The following EXD1 variants were observed in gnomAD, a reference collection of about 807,000 sequenced individuals.
EXD1 encodes the protein piRNA biogenesis protein EXD1.
A neutral mutation model predicts 49.1 loss-of-function variants in EXD1; 63 were observed. The observed-to-expected ratio is 1.28, with a 90% confidence interval of 1.05 to 1.58. The LOEUF (loss-of-function observed/expected upper bound fraction) is 1.58. Ranked by LOEUF, EXD1 falls within the 40% of genes most tolerant of loss-of-function variation. The pLI, the probability that EXD1 is intolerant of heterozygous loss-of-function variation, is 0.00. For synonymous variants in EXD1, 234 were observed against 239.2 expected (o/e 0.98, Z 0.20); for missense variants, 748 against 666.0 (o/e 1.12, Z -1.36).
Position 41,190,077 on chromosome 15 carries a change from T to A in EXD1, c.916A>T (p.Ile306Phe). 1 of 1,614,116 alleles carries A rather than the reference T, an allele frequency of 6.2e-7. No individual in the cohort carries two copies. Among genetic ancestry groups the A allele is most frequent in the South Asian group, 1.1e-5 (1 of 91,078 alleles). Residue 306 changes from isoleucine (I) to phenylalanine (F), a missense_variant, in exon 11 of 12, where the codon ATT (isoleucine) becomes TTT (phenylalanine). Physicochemically the swap from Ile to Phe is conservative, Grantham distance 21. Coordinates refer to ENST00000458580, the MANE Select transcript of EXD1 (RefSeq NM_001286441.2). Reference protein sequence around the residue: ...IRPVSPSLLKILALEATYLLP... With the variant: ...IRPVSPSLLKFLALEATYLLP... ...AGGTAGGTAGCTTCCAGGGCCAAAA[T>A]TTTCAGTAAAGAGGGTGAAACAGGT...
At chr15:41,186,592 C>T (rs1477415705) in intron 11 of EXD1, among the ~76,000 whole-genome samples, 1 of 150,978 alleles carries the variant, frequency 6.6e-6, no homozygotes, top group Non-Finnish European at 1.5e-5. Flanking sequence ...ATTTACATAG[C>T]ATTTACGTTG....
chr15:41,225,084 T>C (rs1369750068), intron 2 of EXD1, among the ~76,000 whole-genome samples: 3 of 152,218 alleles, frequency 2.0e-5, no homozygotes, highest in African/African-American at 7.2e-5. Context: ...ACCATGAGGA[T>C]AACAGATGAT....
chr15:41,222,797 G>A (rs372042186), intron 2 of EXD1, among the ~76,000 whole-genome samples: 7 of 151,572 alleles, frequency 4.6e-5, no homozygotes, highest in East Asian at 1.9e-4. Context: ...TTAGCTGGGT[G>A]TGGTGGCACA....
At chr15:41,223,046 G>A (rs2047113738) in intron 2 of EXD1, among the ~76,000 whole-genome samples, 1 of 151,096 alleles carries the variant, frequency 6.6e-6, no homozygotes, top group Admixed American at 6.6e-5. Flanking sequence ...GAACTCCTGG[G>A]CTTAAGTGAT....
At chr15:41,185,153 G>C (rs896109065) in intron 11 of EXD1, among the ~76,000 whole-genome samples, 3 of 152,144 alleles carry the variant, frequency 2.0e-5, no homozygotes, top group African/African-American at 7.2e-5. Flanking sequence ...TACAGGAAAA[G>C]TTAGTCTCCC....
chr15:41,184,615 A>G (rs2046378136), intron 11 of EXD1, 22 bp from the exon 12 acceptor site: 1 of 1,545,074 alleles, frequency 6.5e-7, no homozygotes, highest in African/African-American at 1.4e-5. Context: ...AAGCGAACAC[A>G]AGTTTATTAT....
intron 10 of EXD1, 84 bp from the exon 11 acceptor site, chr15:41,190,212 T>C (rs1249775187): frequency 7.0e-7 from 1 of 1,419,448 alleles, no homozygotes; most frequent in South Asian, 1.2e-5. Flanking sequence ...CAGTGGCTCA[T>C]GCCTGTAATC....
At chr15:41,202,364 A>G (rs990193143) in intron 7 of EXD1, among the ~76,000 whole-genome samples, 3 of 151,414 alleles carry the variant, frequency 2.0e-5, no homozygotes, top group Non-Finnish European at 4.4e-5. Context: ...TTTAGTAGAA[A>G]CAGGGTTTTG....
intron 11 of EXD1, among the ~76,000 whole-genome samples, chr15:41,187,638 G>C (rs2046434934): frequency 6.6e-6 from 1 of 152,066 alleles, no homozygotes; most frequent in Non-Finnish European, 1.5e-5. Flanking sequence ...TGAAATGTAT[G>C]ATTTTGTCAC....
intron 7 of EXD1, 148 bp downstream of exon 7, chr15:41,209,353 G>A: frequency 1.5e-6 from 1 of 684,034 alleles, no homozygotes; most frequent in Non-Finnish European, 2.5e-6. Flanking sequence ...GGAGTTCAAT[G>A]CTGCAGTGAT....
At chr15:41,192,265 CA>C (rs1354410157) in intron 9 of EXD1, 1 of 152,572 alleles carries the variant, frequency 6.6e-6, no homozygotes, top group Non-Finnish European at 1.5e-5. Flanking sequence ...TCACACCCAG[CA>C]ACCCAACTTT....
chr15:41,216,760 T>C lies in EXD1; in HGVS notation c.296A>G (p.Lys99Arg), dbSNP rs1290209665. The C allele has an allele frequency of 1.2e-6, 2 of 1,613,884 alleles. No homozygotes were observed. Among genetic ancestry groups the C allele is most frequent in the Non-Finnish European group, 1.7e-6 (2 of 1,180,040 alleles). Residue 99 changes from lysine (K) to arginine (R), a missense_variant, in exon 5 of 12, where the codon AAA becomes AGA. Coordinates refer to ENST00000458580, the MANE Select transcript of EXD1 (RefSeq NM_001286441.2). ...CTCACATACATTTAGGTCTTCAACT[T>C]TCATTTTCTCCATCCAGGTTCTTTC... ...HAERTWMEKM[K>R]VEDLNVCEPA... is the part of the protein sequence containing the mutation.
intron 7 of EXD1, among the ~76,000 whole-genome samples, chr15:41,197,221 TC>T (rs911365705): frequency 5.3e-5 from 8 of 151,678 alleles, no homozygotes; most frequent in African/African-American, 1.9e-4. Flanking sequence ...ACTGTGATTT[TC>T]TTTTTTCTTT....
chr15:41,190,466 C>T lies in EXD1; in HGVS notation c.865-338G>A, dbSNP rs560928902. 6 of 261,622 alleles carry T rather than the reference C, an allele frequency of 2.3e-5. No individual in the cohort carries two copies. The East Asian group carries it at 2.4e-4, about 11-fold the overall frequency. 16.2% of individuals were successfully genotyped at this position (261,622 alleles called of 1,614,324 possible). A position where few individuals can be genotyped will look rare whatever the true frequency, so the allele number is the denominator to read the frequency against. The stretch of plus-strand genomic sequence containing the variant: ...ACTGCACTCCAGCCTGGTGACAGAG[C>T]GAGACTCCGTCTCAAAAAAAGAAAA... On this transcript the variant is annotated intron_variant, in intron 10 of 11. Transcript: ENST00000458580.
chr15:41,223,425 A>C (rs1316825197), intron 2 of EXD1, among the ~76,000 whole-genome samples: 1 of 151,730 alleles, frequency 6.6e-6, no homozygotes, highest in Admixed American at 6.6e-5. Context: ...GTGTCAAAAA[A>C]AATTTTTTTT....
chr15:41,195,931 A>T lies in EXD1; in HGVS notation c.639+2T>A, dbSNP rs756703355. 1.9e-6 allele frequency: 3 copies of T among 1,609,574 alleles called. No homozygotes were observed. Among genetic ancestry groups the T allele is most frequent in the Non-Finnish European group, 2.5e-6 (3 of 1,177,964 alleles). On this transcript the variant is annotated splice_donor_variant, in intron 8 of 11. Transcript: ENST00000458580. LOFTEE classifies it high-confidence loss of function. ...AGCACAGGAATCAGTTTATATACTTACCTTCAAAATTCTCTTGTCTTCTAG... is the reference window on the plus strand; with the variant it reads ...AGCACAGGAATCAGTTTATATACTTTCCTTCAAAATTCTCTTGTCTTCTAG...
Position 41,184,445 on chromosome 15 carries a change from GT to G in EXD1, c.1204del (p.Thr402GlnfsTer19), listed in dbSNP as rs1458345522. 1 of 1,614,072 alleles carries G rather than the reference GT, an allele frequency of 6.2e-7. No homozygotes were observed. The highest frequency in any genetic ancestry group is 1.1e-5 in the South Asian group (1 of 91,076). The part of the protein sequence containing the change: ...VLQPKKLVTE[T>X]AGKEEKVKGF... ...TTTGACTTTCTCCTCTTTCCCTGCT[GT>G]CTCTGTCACTAATTTCTTTGGCTGT... On this transcript the variant is annotated frameshift_variant, in exon 12 of 12. Transcript: ENST00000458580. LOFTEE classifies it low-confidence loss of function (END_TRUNC).
At chr15:41,192,597 T>A (rs1358259304) in intron 9 of EXD1, among the ~76,000 whole-genome samples, 489 of 24,150 alleles carry the variant, frequency 0.02, 127 homozygotes, top group Non-Finnish European at 0.029. Context: ...GCCAGGCATT[T>A]TTTTTTTTTT....
In EXD1 at chr15:41,219,823, G is replaced by T; in HGVS notation, c.202+7C>A. On this transcript the variant is annotated splice_region_variant and intron_variant, in intron 3 of 11. Coordinates refer to ENST00000458580, the MANE Select transcript of EXD1 (RefSeq NM_001286441.2). ...ACTAGCATTTTCAAGGAACATGGGG[G>T]TCTCACCATTCACAATCTCATGCCC... 6.5e-7 allele frequency: 1 copy of T among 1,533,510 alleles called. No individual in the cohort carries two copies. The highest frequency in any genetic ancestry group is 8.7e-7 in the Non-Finnish European group (1 of 1,144,962). The allele number at this position is 1,533,510 out of a possible 1,614,324, so 95.0% of individuals were successfully genotyped here.
Sources: allele counts gnomAD v4.1 joint callset (sites outside exome capture counted in the v4.1 genomes callset), GRCh38; gene constraint gnomAD v4.1.1; transcripts MANE v1.5; gene names NCBI Gene and HGNC (gene_info 2026-07-23, HGNC 2026-07-21).